Variants in ZNF678 observed in about 807,000 individuals in gnomAD.
ZNF678 encodes the protein hypothetical protein MGC42493.
In ZNF678, 5 loss-of-function variants were observed where a neutral mutation model predicts 3.0. The ratio of observed to expected loss-of-function variants is 1.69; its 90% confidence interval spans 0.88 to 3.56. The LOEUF (loss-of-function observed/expected upper bound fraction) is 3.56, where lower values mean the gene tolerates loss of function less well. Ranked by LOEUF, ZNF678 falls within the 30% of genes most tolerant of loss-of-function variation. The pLI is 0.00. For synonymous variants in ZNF678, 218 were observed against 199.6 expected (o/e 1.09, Z -0.78); for missense variants, 593 against 605.0 (o/e 0.98, Z 0.21).
At chr1:227,593,303 G>T (rs191829773) in intron 1 of ZNF678, among the ~76,000 whole-genome samples, 3 of 152,244 alleles carry the variant, frequency 2.0e-5, no homozygotes, top group African/African-American at 7.2e-5. Context: ...CCAGGCATTT[G>T]CATCTTGGTA....
chr1:227,625,039 G>T (rs1658373306), intron 1 of ZNF678, among the ~76,000 whole-genome samples: 1 of 152,094 alleles, frequency 6.6e-6, no homozygotes, highest in Admixed American at 6.5e-5. Context: ...TGAATGCCTG[G>T]GTTTATATCC....
intron 1 of ZNF678, among the ~76,000 whole-genome samples, chr1:227,616,917 G>A (rs1456951083): frequency 6.6e-6 from 1 of 152,330 alleles, no homozygotes; most frequent in East Asian, 1.9e-4. Context: ...GGGGTCCAGA[G>A]CAAGAGAAGT....
chr1:227,643,429 A>C (rs1393667622), intron 1 of ZNF678, among the ~76,000 whole-genome samples: 1 of 152,198 alleles, frequency 6.6e-6, no homozygotes, highest in East Asian at 1.9e-4. Context: ...AGTGGTATAA[A>C]GATGTGAAGC....
At chr1:227,580,910 A>T (rs1005478648) in intron 1 of ZNF678, among the ~76,000 whole-genome samples, 3 of 149,842 alleles carry the variant, frequency 2.0e-5, no homozygotes, top group Admixed American at 6.8e-5. Flanking sequence ...AGCCTCAAGA[A>T]CGAAACTCCC....
intron 1 of ZNF678, among the ~76,000 whole-genome samples, chr1:227,599,821 T>G (rs1032946678): frequency 2.0e-5 from 3 of 152,222 alleles, no homozygotes; most frequent in Non-Finnish European, 2.9e-5. Flanking sequence ...TTTCTTTATT[T>G]TTTTATTTCA....
intron 1 of ZNF678, among the ~76,000 whole-genome samples, chr1:227,565,603 C>T (rs568917440): frequency 5.3e-5 from 8 of 151,764 alleles, no homozygotes; most frequent in Non-Finnish European, 8.8e-5. Context: ...GATTTGTTAT[C>T]TGTTTGTGAA....
intron 5 of ZNF678, among the ~76,000 whole-genome samples, chr1:227,671,144 A>G (rs1353058458): frequency 6.9e-6 from 1 of 144,778 alleles, no homozygotes; most frequent in Non-Finnish European, 1.5e-5. Flanking sequence ...TGGTGCCATC[A>G]TAGTTCACTG....
chr1:227,567,774 T>A (rs10799424), intron 1 of ZNF678, among the ~76,000 whole-genome samples: 33,745 of 151,786 alleles, frequency 0.22, 4,331 homozygotes, highest in African/African-American at 0.35. Flanking sequence ...GTGATTTTTT[T>A]AAAATTATTA....
chr1:227,654,263 A>T, intron 3 of ZNF678, 73 bp from the exon 4 acceptor site: 1 of 1,132,980 alleles, frequency 8.8e-7, no homozygotes, highest in Non-Finnish European at 1.2e-6. Flanking sequence ...ATATAATTAT[A>T]TTTATTAGAT....
At chr1:227,675,438 CTAAT>C (rs2102822895) in intron 5 of ZNF678, among the ~76,000 whole-genome samples, 1 of 152,184 alleles carries the variant, frequency 6.6e-6, no homozygotes, top group East Asian at 1.9e-4. Context: ...ATCTAAAGGG[CTAAT>C]TATTTGAACT....
intron 1 of ZNF678, among the ~76,000 whole-genome samples, chr1:227,612,143 C>T (rs745619593): frequency 1.3e-5 from 2 of 152,158 alleles, no homozygotes; most frequent in Non-Finnish European, 2.9e-5. Flanking sequence ...GTGCCCAAGT[C>T]ACATCTGGAT....
intron 1 of ZNF678, among the ~76,000 whole-genome samples, chr1:227,637,938 A>G (rs1658720633): frequency 6.6e-6 from 1 of 152,134 alleles, no homozygotes; most frequent in Non-Finnish European, 1.5e-5. Context: ...GGGGAGACCC[A>G]ATACCCCTGT....
rs369645697 is a variant in ZNF678, at chr1:227,586,002, G to T, written c.-164+22278G>T. 3.9e-5 allele frequency among the ~76,000 whole-genome samples: 6 copies of T among 152,138 alleles called. No individual in the cohort carries two copies. In the East Asian group the frequency reaches 1.2e-3, roughly 29 times the overall value. On this transcript the variant is annotated intron_variant, in intron 1 of 3. Transcript: ENST00000343776. ...TGATTTCCAGATTTACTACAGTATGGTATTCAACATGTCCACTTTTCAGCA... is the reference window on the plus strand; with the variant it reads ...TGATTTCCAGATTTACTACAGTATGTTATTCAACATGTCCACTTTTCAGCA...
rs1195114367 is a variant in ZNF678, at chr1:227,638,513, T to C, written c.-163-8031T>C. ...TCTGTGATAGAAACTGGGTGGGCTC[T>C]TTAAGGGTAATGCAGACGGTGGTGT... is the stretch of plus-strand genomic sequence containing the variant. On this transcript the variant is annotated intron_variant, in intron 1 of 3. Coordinates refer to ENST00000343776, the MANE Select transcript of ZNF678 (RefSeq NM_001367909.1). The surrounding 1 kb of genome is among the most constrained non-coding windows in gnomAD (Gnocchi z 4.2). 6.6e-6 allele frequency among the ~76,000 whole-genome samples: 1 copy of C among 152,142 alleles called. No individual in the cohort carries two copies. Among genetic ancestry groups the C allele is most frequent in the Non-Finnish European group, 1.5e-5 (1 of 68,028 alleles).
At chr1:227,679,092 GA>G (rs572998181), downstream of ZNF678, among the ~76,000 whole-genome samples, 6 of 147,666 alleles carry the variant, frequency 4.1e-5, no homozygotes, top group African/African-American at 1.2e-4. Context: ...CTCTCCTATG[GA>G]AAAAAAAAGT....
intron 1 of ZNF678, among the ~76,000 whole-genome samples, chr1:227,572,421 A>G (rs1381228479): frequency 6.6e-6 from 1 of 152,232 alleles, no homozygotes; most frequent in East Asian, 1.9e-4. Context: ...ATGCTTGGCC[A>G]GTAGTGGTTC....
chr1:227,617,651 T>G (rs1422007138), intron 1 of ZNF678, among the ~76,000 whole-genome samples: 1 of 152,206 alleles, frequency 6.6e-6, no homozygotes, highest in African/African-American at 2.4e-5. Context: ...CCATACATAC[T>G]ATGGCGTATC....
Position 227,608,622 on chromosome 1 carries a change from C to T in ZNF678, c.-163-37922C>T, listed in dbSNP as rs191864129. ...GAGATTTCTCATGAGGCTCTATTGT[C>T]AGCCACAAAATATCTATCTGAAATA... On this transcript the variant is annotated intron_variant, in intron 1 of 3. Coordinates refer to ENST00000343776, the MANE Select transcript of ZNF678 (RefSeq NM_001367909.1). 4.0e-3 allele frequency among the ~76,000 whole-genome samples: 607 copies of T among 152,220 alleles called. 4 individuals carry two copies. Among genetic ancestry groups the T allele is most frequent in the Non-Finnish European group, 6.5e-3 (439 of 67,998 alleles).
At chr1:227,645,210 AG>A (rs1252401771) in intron 1 of ZNF678, among the ~76,000 whole-genome samples, 1 of 152,152 alleles carries the variant, frequency 6.6e-6, no homozygotes, top group Non-Finnish European at 1.5e-5. Flanking sequence ...TAGCAGGTGA[AG>A]GAGTTGTGCT....
Sources: gnomAD v4.1 joint callset for allele counts (sites outside exome capture counted in the v4.1 genomes callset) on GRCh38, gnomAD v4.1.1 for gene constraint, Gnocchi (gnomAD v3.1) non-coding constraint, MANE v1.5 for transcripts, NCBI Gene and HGNC (gene_info 2026-07-23, HGNC 2026-07-21) for gene names.